EFCAB8: variants seen among roughly 807,000 people sequenced by gnomAD.
EFCAB8 encodes EF-hand calcium binding domain 8.
Under a neutral mutation model 116.3 loss-of-function variants are expected in EFCAB8, and 100 were observed. That is an observed-to-expected ratio of 0.86 (90% confidence interval 0.73 to 1.02). The LOEUF is 1.02. Among genes scored for constraint, EFCAB8 ranks in the 50% least tolerant of loss-of-function variants. EFCAB8 has a pLI of 0.00. For missense variants in EFCAB8, 1,320 were observed against 1,416.9 expected (o/e 0.93, Z 1.10); for synonymous variants, 558 against 567.9 (o/e 0.98, Z 0.25).
intron 1 of EFCAB8, 92 bp from the exon 2 acceptor site, chr20:32,863,691 T>A (rs1984243629): frequency 7.5e-7 from 1 of 1,334,290 alleles, no homozygotes; most frequent in Non-Finnish European, 1.0e-6. Context: ...GACCTTGACT[T>A]CTTTTCCACC....
At chr20:32,883,652 A>G (rs745878685) in intron 5 of EFCAB8, among the ~76,000 whole-genome samples, 1 of 152,174 alleles carries the variant, frequency 6.6e-6, no homozygotes, top group Admixed American at 6.6e-5. Context: ...ACATTTTGGC[A>G]TGAACACATT....
intron 2 of EFCAB8, 29 bp from the exon 3 acceptor site, chr20:32,867,553 G>A: frequency 6.5e-7 from 1 of 1,548,112 alleles, no homozygotes; most frequent in Non-Finnish European, 8.7e-7. Context: ...GAAACGCTCA[G>A]TCCCTGGTTC....
chr20:32,933,573 G>C (rs751063334), intron 22 of EFCAB8, among the ~76,000 whole-genome samples: 1 of 152,112 alleles, frequency 6.6e-6, no homozygotes, highest in African/African-American at 2.4e-5. Flanking sequence ...CCTCCTGTCT[G>C]ACCAAAACTT....
At chr20:32,893,508 G>T (rs546276109) in intron 9 of EFCAB8, among the ~76,000 whole-genome samples, 1 of 152,268 alleles carries the variant, frequency 6.6e-6, no homozygotes, top group East Asian at 1.9e-4. Context: ...GGGCTGGGGA[G>T]AGGGGTGGCC....
chr20:32,859,139 A>G, intron 1 of EFCAB8, 133 bp downstream of exon 1: 1 of 430,418 alleles, frequency 2.3e-6, no homozygotes, highest in South Asian at 1.7e-5. Flanking sequence ...ATGTATCCTT[A>G]AGTCATCTGC....
At chr20:32,898,725 G>A (rs1986284715) in intron 11 of EFCAB8, 102 bp downstream of exon 11, 1 of 641,290 alleles carries the variant, frequency 1.6e-6, no homozygotes, top group African/African-American at 1.8e-5. Context: ...GTTGGTGTAT[G>A]GACTCTGGGG....
intron 22 of EFCAB8, among the ~76,000 whole-genome samples, chr20:32,933,745 G>A (rs1372508626): frequency 2.6e-5 from 4 of 152,140 alleles, no homozygotes; most frequent in East Asian, 1.9e-4. Context: ...TTGGGAGGCC[G>A]AGGCGGGCAG....
chr20:32,914,531 AGGGTTTAATT>A (rs979169266), intron 17 of EFCAB8, among the ~76,000 whole-genome samples: 1 of 152,208 alleles, frequency 6.6e-6, no homozygotes, highest in Non-Finnish European at 1.5e-5. Context: ...ATGACAAAAA[AGGGTTTAATT>A]GACTCACAGT....
At position 32,920,082 on chromosome 20, in the gene EFCAB8, C is replaced by T. The variant is rs1987375978; in HGVS notation, c.2279C>T (p.Pro760Leu). Residue 760 changes from proline to leucine, a missense_variant, in exon 20 of 27, where the codon CCT becomes CTT. Pro to Leu is a moderately conservative substitution (Grantham distance 98). Coordinates refer to ENST00000400522, the MANE Select transcript of EFCAB8 (RefSeq NM_001143967.2). Reference protein sequence around the residue: ...EPDRPVPQQKPSSASGTSRQS... With the variant: ...EPDRPVPQQKLSSASGTSRQS... The stretch of plus-strand genomic sequence containing the variant: ...GGTGCCCATCTTTCTTTCCAGAAAC[C>T]TTCCAGTGCTTCTGGCACATCCAGG... The T allele has an allele frequency of 1.9e-6, 3 of 1,551,716 alleles. No homozygotes were observed. The highest frequency in any genetic ancestry group is 2.6e-6 in the Non-Finnish European group (3 of 1,147,008).
chr20:32,860,102 G>A (rs1273643594), intron 1 of EFCAB8, among the ~76,000 whole-genome samples: 3 of 152,208 alleles, frequency 2.0e-5, no homozygotes, highest in African/African-American at 7.2e-5. Flanking sequence ...AGGCCAAGGA[G>A]TTTGAGACCA....
At position 32,939,203 on chromosome 20, in the gene EFCAB8, C is replaced by CCT. The variant is rs562450932; in HGVS notation, c.2791-4410_2791-4409dup. Among the ~76,000 whole-genome samples, 491 of 50,976 alleles carry CCT rather than the reference C, an allele frequency of 9.6e-3. 27 individuals are homozygous for CCT. The highest frequency in any genetic ancestry group is 0.015 in the Non-Finnish European group (406 of 26,364). The allele number at this position is 50,976 out of a possible 152,430, so 33.4% of individuals were successfully genotyped here. ...TCTTTCTTTCTTTCTTTCTTTCTTTCCTCTCTCTCTCTCTCTCTCTCTCTT... is the reference window on the plus strand; with the variant it reads ...TCTTTCTTTCTTTCTTTCTTTCTTTCCTCTCTCTCTCTCTCTCTCTCTCTCTT... On this transcript the variant is annotated intron_variant, in intron 22 of 26. Coordinates refer to ENST00000400522, the MANE Select transcript of EFCAB8 (RefSeq NM_001143967.2).
At chr20:32,954,117 T>G (rs1988887907) in intron 23 of EFCAB8, among the ~76,000 whole-genome samples, 1 of 152,196 alleles carries the variant, frequency 6.6e-6, no homozygotes, top group Non-Finnish European at 1.5e-5. Context: ...GATTACGTTT[T>G]TTGATACACA....
chr20:32,917,192 A>G (rs759452771), intron 17 of EFCAB8, 109 bp from the exon 18 acceptor site: 3 of 824,520 alleles, frequency 3.6e-6, no homozygotes, highest in Admixed American at 2.5e-5. Context: ...ACCTGAGAGT[A>G]TCCTCCTCTG....
chr20:32,925,281 G>A (rs1600433866), intron 20 of EFCAB8, among the ~76,000 whole-genome samples: 2 of 151,940 alleles, frequency 1.3e-5, no homozygotes, highest in Non-Finnish European at 2.9e-5. Context: ...GTGCAGTGGC[G>A]TGATCTCAGC....
At chr20:32,895,571 C>CTTT (rs202111336) in intron 9 of EFCAB8, among the ~76,000 whole-genome samples, 1 of 138,538 alleles carries the variant, frequency 7.2e-6, no homozygotes, top group East Asian at 2.1e-4. Flanking sequence ...TTCTTTCTTT[C>CTTT]TTTCTTTTTT....
At chr20:32,875,807 C>T in intron 3 of EFCAB8, 119 bp from the exon 4 acceptor site, 2 of 840,332 alleles carry the variant, frequency 2.4e-6, no homozygotes, top group Non-Finnish European at 1.9e-6. Flanking sequence ...CCGCGCCTGG[C>T]CGTAGATGTG....
intron 6 of EFCAB8, among the ~76,000 whole-genome samples, chr20:32,888,556 A>G (rs998703159): frequency 6.6e-6 from 1 of 151,800 alleles, no homozygotes; most frequent in Admixed American, 6.6e-5. Context: ...GGGTCTCCCT[A>G]TGTTGCCCAG....
chr20:32,859,296 CT>C (rs1300533600), intron 1 of EFCAB8, among the ~76,000 whole-genome samples: 1 of 152,222 alleles, frequency 6.6e-6, no homozygotes, highest in Non-Finnish European at 1.5e-5. Context: ...GACAGGTCAA[CT>C]TTAGGGAATA....
chr20:32,900,246 A>G (rs1304419037), intron 11 of EFCAB8, among the ~76,000 whole-genome samples: 1 of 152,072 alleles, frequency 6.6e-6, no homozygotes, highest in African/African-American at 2.4e-5. Context: ...ATTTCGTCCA[A>G]CTCCTCATTT....
Sources: gnomAD v4.1 joint callset for allele counts (sites outside exome capture counted in the v4.1 genomes callset) on GRCh38, gnomAD v4.1.1 for gene constraint, MANE v1.5 for transcripts, NCBI Gene and HGNC (gene_info 2026-07-23, HGNC 2026-07-21) for gene names.